TMEM114: variants seen among roughly 807,000 people sequenced by gnomAD.
TMEM114 encodes the protein claudin-26.
TMEM114 carries 6 observed loss-of-function variants against 6.2 expected under a neutral mutation model. The observed-to-expected ratio is 0.97, with a 90% confidence interval of 0.53 to 1.91. The LOEUF (loss-of-function observed/expected upper bound fraction) is 1.91, where lower values mean the gene tolerates loss of function less well. Among genes scored for constraint, TMEM114 ranks in the 40% most tolerant of loss-of-function variants. The pLI is 0.01. For missense variants in TMEM114, 218 were observed against 158.3 expected, an observed-to-expected ratio of 1.38 and a Z score of -2.02; for synonymous variants, 104 against 73.0, an observed-to-expected ratio of 1.42 and a Z score of -2.16.
intron 2 of TMEM114, among the ~76,000 whole-genome samples, chr16:8,544,241 C>T (rs1457237977): frequency 6.6e-6 from 1 of 152,176 alleles, no homozygotes; most frequent in African/African-American, 2.4e-5. Flanking sequence ...TCTTGCTTAA[C>T]AGATAAGCAC....
intron 2 of TMEM114, among the ~76,000 whole-genome samples, chr16:8,580,332 C>A (rs911274896): frequency 6.6e-6 from 1 of 151,908 alleles, no homozygotes; most frequent in African/African-American, 2.4e-5. Flanking sequence ...ACTAAAAATA[C>A]AAAAATTAGC....
chr16:8,572,338 G>A (rs1468433150), intron 2 of TMEM114, 114 bp from the exon 3 acceptor site: 8 of 1,130,896 alleles, frequency 7.1e-6, no homozygotes, highest in Non-Finnish European at 1.0e-5. Flanking sequence ...CACTGTCACT[G>A]CCCCTACGAC....
At chr16:8,562,093 T>C (rs1208241140) in intron 2 of TMEM114, among the ~76,000 whole-genome samples, 1 of 151,376 alleles carries the variant, frequency 6.6e-6, no homozygotes, top group Non-Finnish European at 1.5e-5. Flanking sequence ...AATGAGTGAG[T>C]GAGTGAATGA....
At chr16:8,564,359 G>GAGTGAATGAGTC in intron 2 of TMEM114, among the ~76,000 whole-genome samples, 1 of 150,824 alleles carries the variant, frequency 6.6e-6, no homozygotes, top group East Asian at 1.9e-4. Context: ...ATGAGTCAGT[G>GAGTGAATGAGTC]AGTGAATGAG....
intron 2 of TMEM114, among the ~76,000 whole-genome samples, chr16:8,561,212 G>C (rs1424018524): frequency 6.6e-6 from 1 of 152,218 alleles, no homozygotes; most frequent in East Asian, 1.9e-4. Flanking sequence ...TCCAGCCCTA[G>C]GGAGATTCCC....
At chr16:8,576,230 A>G (rs1445293290) in intron 2 of TMEM114, among the ~76,000 whole-genome samples, 1 of 152,154 alleles carries the variant, frequency 6.6e-6, no homozygotes, top group Non-Finnish European at 1.5e-5. Flanking sequence ...CTGCCTCCCT[A>G]TAGATAAGAT....
the TMEM114 span, among the ~76,000 whole-genome samples, chr16:8,528,643 C>T: frequency 2.6e-4 from 40 of 152,178 alleles, no homozygotes; most frequent in African/African-American, 9.4e-4. Context: ...GTATTTAAAT[C>T]GCAGCCTTGG....
chr16:8,546,711 C>G (rs2141654314), intron 2 of TMEM114, among the ~76,000 whole-genome samples: 1 of 152,310 alleles, frequency 6.6e-6, no homozygotes, highest in South Asian at 2.1e-4. Context: ...CAGATCACAG[C>G]AGATGACCAC....
intron 2 of TMEM114, among the ~76,000 whole-genome samples, chr16:8,558,090 C>T (rs1167106280): frequency 6.6e-6 from 1 of 151,978 alleles, no homozygotes; most frequent in Non-Finnish European, 1.5e-5. Flanking sequence ...CCCATCTCTA[C>T]TAAAAATACA....
At chr16:8,563,325 A>ATGAGTGAGTGAATGAC (rs1555463700) in intron 2 of TMEM114, among the ~76,000 whole-genome samples, 5 of 115,788 alleles carry the variant, frequency 4.3e-5, no homozygotes, top group Non-Finnish European at 5.5e-5. Flanking sequence ...GAGGGAGGGT[A>ATGAGTGAGTGAATGAC]TGAGTGAGTG....
chr16:8,586,725 G>A (rs888905322), intron 2 of TMEM114, among the ~76,000 whole-genome samples: 4 of 152,070 alleles, frequency 2.6e-5, no homozygotes, highest in African/African-American at 9.7e-5. Context: ...GGCCAGGCTG[G>A]TCTCAAACTC....
At chr16:8,567,965 G>A (rs780113933), downstream of TMEM114, among the ~76,000 whole-genome samples, 5 of 152,120 alleles carry the variant, frequency 3.3e-5, no homozygotes, top group Admixed American at 1.3e-4. Context: ...GCGCCTTTCC[G>A]GATTAGACAG....
intron 2 of TMEM114, among the ~76,000 whole-genome samples, chr16:8,559,961 C>T (rs191411578): frequency 1.3e-5 from 2 of 152,050 alleles, no homozygotes; most frequent in South Asian, 2.1e-4. Context: ...CCGGGCTTTG[C>T]GTCTCTGTTC....
At chr16:8,554,591 G>A (rs943089614) in intron 2 of TMEM114, among the ~76,000 whole-genome samples, 3 of 152,066 alleles carry the variant, frequency 2.0e-5, no homozygotes, top group Admixed American at 1.3e-4. Flanking sequence ...CGCTCCCCAC[G>A]GACAGTGTCT....
chr16:8,552,561 T>C (rs1461374294), intron 2 of TMEM114, among the ~76,000 whole-genome samples: 1 of 152,116 alleles, frequency 6.6e-6, no homozygotes, highest in Non-Finnish European at 1.5e-5. Flanking sequence ...ACTAACAGTA[T>C]TGCAATGTGG....
intron 2 of TMEM114, among the ~76,000 whole-genome samples, chr16:8,579,695 A>T (rs1473188012): frequency 3.3e-5 from 5 of 152,156 alleles, no homozygotes; most frequent in African/African-American, 9.7e-5. Flanking sequence ...ATATGAGAAT[A>T]CTTGTCTCTT....
downstream of TMEM114, among the ~76,000 whole-genome samples, chr16:8,566,674 C>T (rs1023021004): frequency 2.4e-4 from 36 of 152,294 alleles, no homozygotes; most frequent in Non-Finnish European, 4.0e-4. Flanking sequence ...CCTTCACCTC[C>T]TATTTCTCTC....
At chr16:8,555,457 G>C (rs1341366247) in intron 2 of TMEM114, among the ~76,000 whole-genome samples, 1 of 125,702 alleles carries the variant, frequency 8.0e-6, no homozygotes, top group Non-Finnish European at 1.7e-5. Flanking sequence ...GCTAGAAAAT[G>C]AGCAGTAATT....
At chr16:8,527,801 C>T in the TMEM114 span, among the ~76,000 whole-genome samples, 2 of 152,174 alleles carry the variant, frequency 1.3e-5, no homozygotes, top group South Asian at 2.1e-4. Context: ...CTGTCTCCCC[C>T]CAATACAGGA....
Sources: allele counts gnomAD v4.1 joint callset (sites outside exome capture counted in the v4.1 genomes callset), GRCh38; gene constraint gnomAD v4.1.1; transcripts MANE v1.5; gene names NCBI Gene and HGNC (gene_info 2026-07-23, HGNC 2026-07-21).